The following RSRC1 variants were observed in gnomAD, a reference collection of about 807,000 sequenced individuals.
RSRC1 encodes serine/Arginine-related protein 53.
RSRC1 carries 39 observed loss-of-function variants against 49.1 expected under a neutral mutation model. The ratio of observed to expected loss-of-function variants is 0.79; its 90% CI spans 0.61 to 1.04. The LOEUF (loss-of-function observed/expected upper bound fraction) is 1.04. Among genes scored for constraint, RSRC1 ranks in the 50% least tolerant of loss-of-function variants. RSRC1 has a pLI of 0.00. For missense variants in RSRC1, 388 were observed against 402.4 expected (o/e 0.96, Z 0.31); for synonymous variants, 143 against 130.8 (o/e 1.09, Z -0.63).
chr3:158,198,653 C>T (rs1720813142), intron 3 of RSRC1, among the ~76,000 whole-genome samples: 2 of 152,030 alleles, frequency 1.3e-5, no homozygotes, highest in Non-Finnish European at 2.9e-5. Flanking sequence ...ATGTTTAGTG[C>T]TTCCTTCACC....
chr3:158,369,547 G>T (rs1048464510), intron 6 of RSRC1, among the ~76,000 whole-genome samples: 1 of 152,050 alleles, frequency 6.6e-6, no homozygotes, highest in South Asian at 2.1e-4. Context: ...AGGCCCTGGG[G>T]TTTCTTTTTT....
At chr3:158,446,788 G>A (rs1199069796) in intron 6 of RSRC1, among the ~76,000 whole-genome samples, 8 of 152,012 alleles carry the variant, frequency 5.3e-5, no homozygotes, top group African/African-American at 1.7e-4. Flanking sequence ...AGAACAGAAC[G>A]TGCCTCTTCA....
chr3:158,203,924 T>G (rs1209804758), intron 4 of RSRC1, among the ~76,000 whole-genome samples: 1 of 152,200 alleles, frequency 6.6e-6, no homozygotes, highest in Non-Finnish European at 1.5e-5. Flanking sequence ...GAAACAATCT[T>G]TTTTAACAGA....
intron 7 of RSRC1, among the ~76,000 whole-genome samples, chr3:158,467,317 T>C (rs546359591): frequency 2.0e-4 from 30 of 152,258 alleles, no homozygotes; most frequent in African/African-American, 6.5e-4. Context: ...GAAAATAAAA[T>C]GAAAACAAAT....
chr3:158,307,047 G>A (rs1488802063), intron 5 of RSRC1, among the ~76,000 whole-genome samples: 3 of 151,518 alleles, frequency 2.0e-5, no homozygotes, highest in Non-Finnish European at 4.4e-5. Flanking sequence ...GCCAAGTGGA[G>A]TGAGTGGTAA....
rs1196368241 is a variant in RSRC1, at chr3:158,304,738, C to T, written c.531+6663C>T. ...TATTTTTCTCACCTAAGACAATATA[C>T]ATTTGAGGTTTAGGGTGAAACTGCG... On this transcript the variant is annotated intron_variant, in intron 5 of 9. Transcript: ENST00000611884. Among the ~76,000 whole-genome samples the T allele has an allele frequency of 2.0e-5, 3 of 152,210 alleles. No individual in the cohort carries two copies. In the East Asian group the frequency reaches 5.8e-4, roughly 29 times the overall value.
intron 6 of RSRC1, among the ~76,000 whole-genome samples, chr3:158,451,904 A>C (rs1389058503): frequency 2.6e-5 from 4 of 152,106 alleles, no homozygotes; most frequent in Non-Finnish European, 4.4e-5. Context: ...CCAAAGGCTC[A>C]TGGGATTTAA....
At chr3:158,388,826 G>T (rs536633341) in intron 6 of RSRC1, among the ~76,000 whole-genome samples, 1 of 152,140 alleles carries the variant, frequency 6.6e-6, no homozygotes, top group African/African-American at 2.4e-5. Context: ...GGCCAGGATG[G>T]TCTCGATCTC....
In RSRC1 at chr3:158,509,607, G is replaced by A. The variant is rs561794003; in HGVS notation, c.653-27485G>A. Among the ~76,000 whole-genome samples the A allele has an allele frequency of 9.2e-5, 14 of 152,148 alleles. No individual in the cohort carries two copies. In the East Asian group the frequency reaches 2.7e-3, roughly 29 times the overall value. ...AAGGCCAGCCTGGGCAACATAGCAA[G>A]GCCCCATCTCTTACAAGATATTATA... On this transcript the variant is annotated intron_variant, in intron 7 of 9. Coordinates refer to ENST00000611884, the MANE Select transcript of RSRC1 (RefSeq NM_001271838.2).
intron 5 of RSRC1, among the ~76,000 whole-genome samples, chr3:158,327,632 G>A (rs572225484): frequency 6.6e-6 from 1 of 152,182 alleles, no homozygotes; most frequent in East Asian, 1.9e-4. Flanking sequence ...TACATTTGCT[G>A]AGGAGTGCTT....
intron 5 of RSRC1, among the ~76,000 whole-genome samples, chr3:158,345,070 A>T (rs923540713): frequency 8.6e-5 from 13 of 152,002 alleles, no homozygotes; most frequent in South Asian, 4.2e-4. Context: ...AAATAAAAAA[A>T]AAAAAAATGT....
At chr3:158,144,786 T>C (rs1390196427) in intron 3 of RSRC1, among the ~76,000 whole-genome samples, 3 of 152,174 alleles carry the variant, frequency 2.0e-5, no homozygotes, top group Admixed American at 6.5e-5. Context: ...CCACATCCTC[T>C]CCGGCACCTG....
intron 7 of RSRC1, among the ~76,000 whole-genome samples, chr3:158,513,599 C>A (rs553114502): frequency 0.023 from 3,469 of 151,998 alleles, 110 homozygotes; most frequent in African/African-American, 0.08. Context: ...TGTCTCTGCC[C>A]AGCTTTGGTA....
intron 4 of RSRC1, among the ~76,000 whole-genome samples, chr3:158,286,702 G>T (rs1559977347): frequency 1.3e-5 from 2 of 152,200 alleles, no homozygotes; most frequent in South Asian, 2.1e-4. Context: ...TCAGTTTCCT[G>T]TTGAGTTAAA....
intron 5 of RSRC1, among the ~76,000 whole-genome samples, chr3:158,347,277 A>T (rs1730605985): frequency 6.6e-6 from 1 of 152,140 alleles, no homozygotes; most frequent in Non-Finnish European, 1.5e-5. Context: ...ATAGTTTATA[A>T]AATTTTTTGA....
intron 6 of RSRC1, among the ~76,000 whole-genome samples, chr3:158,380,351 T>C (rs960421679): frequency 6.6e-6 from 1 of 152,146 alleles, no homozygotes; most frequent in African/African-American, 2.4e-5. Flanking sequence ...TCCCAGCTAC[T>C]CAGGAAGCTG....
chr3:158,475,052 C>T (rs898628631), intron 7 of RSRC1, among the ~76,000 whole-genome samples: 1 of 151,948 alleles, frequency 6.6e-6, no homozygotes, highest in African/African-American at 2.4e-5. Flanking sequence ...GTAGCTGGGA[C>T]GACAGGCGAG....
At chr3:158,352,647 A>G (rs1305965892) in intron 5 of RSRC1, among the ~76,000 whole-genome samples, 3 of 152,138 alleles carry the variant, frequency 2.0e-5, no homozygotes, top group African/African-American at 2.4e-5. Flanking sequence ...CTGGCCCGTA[A>G]AAGTACTGTA....
intron 1 of RSRC1, among the ~76,000 whole-genome samples, chr3:158,119,276 T>C (rs6803630): frequency 0.67 from 102,492 of 152,074 alleles, 34,794 homozygotes; most frequent in East Asian, 0.83. Context: ...TTTTCTCTTG[T>C]TGGAATTCTC....
Sources: allele counts gnomAD v4.1 joint callset (sites outside exome capture counted in the v4.1 genomes callset), GRCh38; gene constraint gnomAD v4.1.1; transcripts MANE v1.5; gene names NCBI Gene and HGNC (gene_info 2026-07-23, HGNC 2026-07-21).